The following ARHGAP26 variants were observed in gnomAD, a reference collection of about 807,000 sequenced individuals.
ARHGAP26 encodes the protein Rho GTPase activating protein 26, also known as rho GTPase-activating protein 26.
Under a neutral mutation model 104.8 loss-of-function variants are expected in ARHGAP26, and 38 were observed. The observed-to-expected ratio is 0.36, with a 90% CI of 0.28 to 0.48. The LOEUF (loss-of-function observed/expected upper bound fraction) is 0.48. Among genes scored for constraint, ARHGAP26 ranks in the 20% least tolerant of loss-of-function variants. The pLI is 0.99. For missense variants in ARHGAP26, 704 were observed against 947.9 expected (o/e 0.74, Z 3.38); for synonymous variants, 341 against 340.0 (o/e 1.00, Z -0.03).
chr5:142,963,189 T>TAC (rs1770651672), intron 11 of ARHGAP26, among the ~76,000 whole-genome samples: 3 of 111,114 alleles, frequency 2.7e-5, no homozygotes, highest in African/African-American at 1.4e-4. Flanking sequence ...TATATATATA[T>TAC]ATATATATAT....
intron 11 of ARHGAP26, among the ~76,000 whole-genome samples, chr5:143,012,551 ACATATATATAT>A (rs2152813911): frequency 3.3e-5 from 2 of 60,616 alleles, no homozygotes; most frequent in South Asian, 7.5e-4. Flanking sequence ...ATACATACAT[ACATATATATAT>A]ATATATATAT....
At chr5:142,858,719 C>T (rs543729002) in intron 1 of ARHGAP26, among the ~76,000 whole-genome samples, 1 of 152,284 alleles carries the variant, frequency 6.6e-6, no homozygotes, top group South Asian at 2.1e-4. Context: ...GAGCTGTTCA[C>T]ATTAAACAGT....
chr5:143,207,060 G>C (rs974586029), intron 20 of ARHGAP26, 138 bp from the exon 21 acceptor site: 2 of 949,638 alleles, frequency 2.1e-6, no homozygotes, highest in Non-Finnish European at 3.2e-6. Flanking sequence ...ATGTGACATG[G>C]CCCTGACAGC....
intron 17 of ARHGAP26, among the ~76,000 whole-genome samples, chr5:143,092,725 A>G (rs1791637431): frequency 6.6e-6 from 1 of 152,330 alleles, no homozygotes; most frequent in South Asian, 2.1e-4. Context: ...TGGGATTTCA[A>G]TTATTCTTTG....
chr5:142,918,814 T>C (rs930457142), intron 10 of ARHGAP26, among the ~76,000 whole-genome samples: 3 of 152,212 alleles, frequency 2.0e-5, no homozygotes, highest in African/African-American at 7.2e-5. Flanking sequence ...TAGAAATTCT[T>C]TGTATTTCTT....
chr5:143,122,599 A>C (rs1796276323), intron 18 of ARHGAP26, among the ~76,000 whole-genome samples: 1 of 152,262 alleles, frequency 6.6e-6, no homozygotes. Context: ...AATAGAATGA[A>C]TATTCCAGGA....
At chr5:143,193,480 C>A (rs1169359621) in intron 20 of ARHGAP26, among the ~76,000 whole-genome samples, 1 of 152,046 alleles carries the variant, frequency 6.6e-6, no homozygotes, top group Non-Finnish European at 1.5e-5. Context: ...AACTCCTGAG[C>A]TCGGGTGATC....
intron 17 of ARHGAP26, among the ~76,000 whole-genome samples, chr5:143,103,737 T>C (rs1247145067): frequency 6.6e-6 from 1 of 151,210 alleles, no homozygotes; most frequent in African/African-American, 2.4e-5. Flanking sequence ...TAAGTGGGAG[T>C]TGAACAGTGA....
chr5:143,142,288 G>C (rs906172027), intron 19 of ARHGAP26, among the ~76,000 whole-genome samples: 1 of 151,620 alleles, frequency 6.6e-6, no homozygotes, highest in African/African-American at 2.4e-5. Context: ...GCATGCGCCC[G>C]CCACCACGCC....
chr5:143,134,050 G>T lies in ARHGAP26; in HGVS notation c.1782G>T (p.Pro594=). The stretch of plus-strand genomic sequence containing the variant: ...AGAAGAGCAGTGACTCCAAGCCCCC[G>T]TCCTGCAGCGAGAGGCCCCTGACGC... ...SRKKSSDSKP[P]SCSERPLTLF... The change falls in exon 19 of 23, where the codon CCG becomes CCT. Residue 594 remains proline (P), a synonymous_variant. Transcript: ENST00000645722. The T allele has an allele frequency of 6.2e-7, 1 of 1,612,634 alleles. No homozygotes were observed. Among genetic ancestry groups the T allele is most frequent in the South Asian group, 1.1e-5 (1 of 90,774 alleles).
intron 12 of ARHGAP26, 100 bp downstream of exon 12, chr5:143,014,216 T>C: frequency 7.1e-7 from 1 of 1,402,120 alleles, no homozygotes; most frequent in South Asian, 1.2e-5. Flanking sequence ...GCTGTGGGCG[T>C]GTTGGGTTGG....
At chr5:142,800,788 A>T (rs1391376348) in intron 1 of ARHGAP26, among the ~76,000 whole-genome samples, 1 of 152,180 alleles carries the variant, frequency 6.6e-6, no homozygotes, top group East Asian at 1.9e-4. Flanking sequence ...TCTTGTGCTC[A>T]CGTGTGATTT....
chr5:142,956,388 C>T (rs1258619702), intron 11 of ARHGAP26, among the ~76,000 whole-genome samples: 1 of 152,020 alleles, frequency 6.6e-6, no homozygotes, highest in Non-Finnish European at 1.5e-5. Flanking sequence ...CCAGACTGGA[C>T]AACACAGCAA....
At chr5:143,050,065 C>T (rs1250320141) in intron 14 of ARHGAP26, among the ~76,000 whole-genome samples, 1 of 152,190 alleles carries the variant, frequency 6.6e-6, no homozygotes, top group Non-Finnish European at 1.5e-5. Flanking sequence ...GGGGTTGCAG[C>T]ATGGCCTTTC....
chr5:142,868,465 G>T (rs535464333), intron 1 of ARHGAP26, among the ~76,000 whole-genome samples: 1 of 152,238 alleles, frequency 6.6e-6, no homozygotes, highest in South Asian at 2.1e-4. Context: ...GTGGATGTGG[G>T]GAGGCCAGAG....
At chr5:143,021,334 T>A (rs969722077) in intron 12 of ARHGAP26, among the ~76,000 whole-genome samples, 2 of 152,262 alleles carry the variant, frequency 1.3e-5, no homozygotes, top group Non-Finnish European at 2.9e-5. Context: ...TAATATTCTG[T>A]CATTGGACTA....
chr5:143,099,431 G>T (rs1017459382), intron 17 of ARHGAP26, among the ~76,000 whole-genome samples: 2 of 152,150 alleles, frequency 1.3e-5, no homozygotes, highest in Non-Finnish European at 2.9e-5. Flanking sequence ...TTGGAACTGA[G>T]ACCCTACCTT....
At chr5:143,073,867 C>T (rs1418142070) in intron 17 of ARHGAP26, among the ~76,000 whole-genome samples, 1 of 152,152 alleles carries the variant, frequency 6.6e-6, no homozygotes, top group Non-Finnish European at 1.5e-5. Flanking sequence ...CTCTGAGCTC[C>T]CGTTAACTTC....
intron 11 of ARHGAP26, among the ~76,000 whole-genome samples, chr5:143,006,022 T>C (rs1196453282): frequency 1.3e-5 from 2 of 152,186 alleles, no homozygotes; most frequent in Non-Finnish European, 2.9e-5. Context: ...GAAGCATTCG[T>C]TGTCACCTGG....
Sources: allele counts gnomAD v4.1 joint callset (sites outside exome capture counted in the v4.1 genomes callset), GRCh38; gene constraint gnomAD v4.1.1; transcripts MANE v1.5; gene names NCBI Gene and HGNC (gene_info 2026-07-23, HGNC 2026-07-21).